Variants in NTPCR observed in about 807,000 individuals in gnomAD.
NTPCR encodes the protein cancer-related nucleoside-triphosphatase.
Under a neutral mutation model 19.5 loss-of-function variants are expected in NTPCR, and 15 were observed. The ratio of observed to expected loss-of-function variants is 0.77; its 90% CI spans 0.51 to 1.18. NTPCR has a LOEUF of 1.18. NTPCR is among the 50% of genes most tolerant of loss of function. The probability of loss-of-function intolerance (pLI) is 0.00; values close to 1 mark genes in which losing one functional copy is unlikely to be tolerated. For missense variants in NTPCR, 206 were observed against 240.4 expected (o/e 0.86, Z 0.95); for synonymous variants, 90 against 95.8 (o/e 0.94, Z 0.36).
intron 3 of NTPCR, among the ~76,000 whole-genome samples, chr1:232,960,530 G>C (rs560106800): frequency 3.9e-4 from 59 of 151,984 alleles, no homozygotes; most frequent in African/African-American, 1.3e-3. Flanking sequence ...TTTTAGTAGA[G>C]ACGGGGTTTC....
chr1:232,961,862 A>G (rs940565803), intron 3 of NTPCR: 1 of 152,148 alleles, frequency 6.6e-6, no homozygotes, highest in Non-Finnish European at 1.5e-5. Context: ...TTAGTTTTTT[A>G]TGCTTAATTA....
chr1:232,975,510 T>C (rs1372245087), intron 4 of NTPCR, among the ~76,000 whole-genome samples: 1 of 152,178 alleles, frequency 6.6e-6, no homozygotes, highest in Admixed American at 6.5e-5. Context: ...TACAACTATG[T>C]GCAAGAAAGC....
chr1:232,970,436 C>G (rs532154798), intron 4 of NTPCR, among the ~76,000 whole-genome samples: 1 of 152,176 alleles, frequency 6.6e-6, no homozygotes, highest in Admixed American at 6.5e-5. Context: ...AAGCTTATCT[C>G]TTCTCAGATT....
At chr1:232,958,071 A>G (rs963791002) in intron 3 of NTPCR, among the ~76,000 whole-genome samples, 3 of 152,328 alleles carry the variant, frequency 2.0e-5, no homozygotes, top group African/African-American at 4.8e-5. Flanking sequence ...GTGGGGGGCC[A>G]TGAGATGCAG....
intron 2 of NTPCR, 59 bp from the exon 3 acceptor site, chr1:232,956,288 A>C: frequency 2.4e-6 from 3 of 1,270,976 alleles, no homozygotes; most frequent in Non-Finnish European, 3.4e-6. Context: ...TGGAGCAGCT[A>C]AAAACCAGAA....
intron 3 of NTPCR, 98 bp from the exon 4 acceptor site, chr1:232,969,811 C>A: frequency 9.9e-7 from 1 of 1,010,794 alleles, no homozygotes; most frequent in Non-Finnish European, 1.5e-6. Context: ...AGGTTTCTGT[C>A]TTTTTTACCT....
intron 2 of NTPCR, among the ~76,000 whole-genome samples, chr1:232,955,981 G>T (rs556562664): frequency 6.6e-6 from 1 of 152,096 alleles, no homozygotes; most frequent in Admixed American, 6.5e-5. Context: ...CATGAAAAAA[G>T]TATAAGAAAG....
rs1341521331 is a variant in NTPCR, at chr1:232,980,093, A to G, written c.*1862A>G. The G allele has an allele frequency of 6.6e-6, 1 of 152,120 alleles. No individual in the cohort carries two copies. The highest frequency in any genetic ancestry group is 1.5e-5 in the Non-Finnish European group (1 of 68,040). 9.4% of individuals were successfully genotyped at this position (152,120 alleles called of 1,614,324 possible). On this transcript the variant is annotated 3_prime_UTR_variant, in exon 5 of 5. Coordinates refer to ENST00000366628, the MANE Select transcript of NTPCR (RefSeq NM_032324.3). ...AGCCGTGTCTGTTTTGTAGACTTTG[A>G]TTTTGTCTTAAATGAGAAAGAAAGC...
At position 232,970,059 on chromosome 1, in the gene NTPCR, G is replaced by A; in HGVS notation, c.445G>A (p.Gly149Arg). Residue 149 changes from glycine (G) to arginine (R), a missense_variant, in exon 4 of 5, where the codon GGA (glycine) becomes AGA (arginine). Transcript: ENST00000366628. ...IILGTIPVPK[G>R]KPLALVEEIR... ...CCTTGGCACAATCCCAGTTCCTAAA[G>A]GAAAGCCACTGGCTCTTGTAGAAGA... 1.2e-6 allele frequency: 2 copies of A among 1,614,172 alleles called. No individual in the cohort carries two copies. Among genetic ancestry groups the A allele is most frequent in the African/African-American group, 1.3e-5 (1 of 75,034 alleles).
At chr1:232,978,093 G>T in intron 4 of NTPCR, 70 bp from the exon 5 acceptor site, 1 of 1,360,318 alleles carries the variant, frequency 7.4e-7, no homozygotes, top group Non-Finnish European at 1.0e-6. Flanking sequence ...TTCTTTTAGA[G>T]AGTTACCTAG....
At chr1:232,961,170 A>G (rs1049901589) in intron 3 of NTPCR, among the ~76,000 whole-genome samples, 8 of 152,232 alleles carry the variant, frequency 5.3e-5, no homozygotes, top group Middle Eastern at 3.4e-3. Context: ...TTTAACTATT[A>G]CTCCCTCAGT....
intron 3 of NTPCR, among the ~76,000 whole-genome samples, chr1:232,956,875 AG>A (rs1358190363): frequency 6.6e-6 from 1 of 152,228 alleles, no homozygotes; most frequent in Non-Finnish European, 1.5e-5. Context: ...TTTTTAAAAA[AG>A]AAAAAAACTT....
At chr1:232,959,446 A>G (rs1668607883) in intron 3 of NTPCR, among the ~76,000 whole-genome samples, 1 of 152,200 alleles carries the variant, frequency 6.6e-6, no homozygotes, top group Admixed American at 6.5e-5. Flanking sequence ...GGACTAATAT[A>G]GGATTCTCAC....
Position 232,983,374 on chromosome 1 carries a change from T to C in NTPCR, c.*5143T>C, listed in dbSNP as rs945971939. The C allele has an allele frequency of 1.3e-5, 2 of 152,318 alleles. No homozygotes were observed. Among genetic ancestry groups the C allele is most frequent in the Admixed American group, 1.3e-4 (2 of 15,308 alleles). The allele number at this position is 152,318 out of a possible 1,614,324, so 9.4% of individuals were successfully genotyped here. A position where few individuals can be genotyped will look rare whatever the true frequency, so the allele number is the denominator to read the frequency against. ...ATTTACCCAAATGTCGTTCTCACCA[T>C]AAAAGATATACTTGTAGAAATGAGA... On this transcript the variant is annotated 3_prime_UTR_variant, in exon 5 of 5. Transcript: ENST00000366628.
rs1669299051 is a variant in NTPCR, at chr1:232,982,108, G to A, written c.*3877G>A. 1 of 152,192 alleles carries A rather than the reference G, an allele frequency of 6.6e-6. No individual in the cohort carries two copies. The highest frequency in any genetic ancestry group is 2.1e-4 in the South Asian group (1 of 4,824). 9.4% of individuals were successfully genotyped at this position (152,192 alleles called of 1,614,324 possible). A position where few individuals can be genotyped will look rare whatever the true frequency, so the allele number is the denominator to read the frequency against. On this transcript the variant is annotated 3_prime_UTR_variant, in exon 5 of 5. Coordinates refer to ENST00000366628, the MANE Select transcript of NTPCR (RefSeq NM_032324.3). ...TAGCAAGAAATGTCAGTTTAGGGATGCCTCCTCTAAATGGGGGCTTAGAAT... is the reference window on the plus strand; with the variant it reads ...TAGCAAGAAATGTCAGTTTAGGGATACCTCCTCTAAATGGGGGCTTAGAAT...
At chr1:232,963,391 C>T (rs981761237) in intron 3 of NTPCR, 15 of 152,184 alleles carry the variant, frequency 9.9e-5, no homozygotes, top group East Asian at 9.6e-4. Context: ...AGGCTTTTGC[C>T]CTGGGTTATG....
intron 3 of NTPCR, among the ~76,000 whole-genome samples, chr1:232,958,035 C>G (rs1039642607): frequency 1.3e-5 from 2 of 152,102 alleles, no homozygotes; most frequent in Admixed American, 1.3e-4. Context: ...GGAGCAGGAG[C>G]AGGTGAAGAA....
rs1465914675 is a variant in NTPCR, at chr1:232,971,469, G to T, written c.504+1351G>T. Among the ~76,000 whole-genome samples, 3 of 152,142 alleles carry T rather than the reference G, an allele frequency of 2.0e-5. No homozygotes were observed. The East Asian group carries it at 5.8e-4, about 29-fold the overall frequency. ...TTGCCACCAAGAATCCTGGAGTGTGGTGGTAAACAGCCATTAGGGTTAGAC... is the reference window on the plus strand; with the variant it reads ...TTGCCACCAAGAATCCTGGAGTGTGTTGGTAAACAGCCATTAGGGTTAGAC... On this transcript the variant is annotated intron_variant, in intron 4 of 4. Transcript: ENST00000366628.
chr1:232,960,349 CTT>C (rs796692879), intron 3 of NTPCR, among the ~76,000 whole-genome samples: 10 of 142,270 alleles, frequency 7.0e-5, no homozygotes, highest in Admixed American at 7.0e-5. Context: ...TTTTCTTTTC[CTT>C]TTTTTTTTTT....
Sources: allele counts gnomAD v4.1 joint callset (sites outside exome capture counted in the v4.1 genomes callset), GRCh38; gene constraint gnomAD v4.1.1; transcripts MANE v1.5; gene names NCBI Gene and HGNC (gene_info 2026-07-23, HGNC 2026-07-21).